Variants in ZFPM2 observed in about 807,000 individuals in gnomAD.
ZFPM2 encodes zinc finger protein ZFPM2.
ZFPM2 carries 20 observed loss-of-function variants against 98.6 expected under a neutral mutation model. That is an observed-to-expected ratio of 0.20 (90% CI 0.14 to 0.29). The LOEUF is 0.29. Ranked by LOEUF, ZFPM2 falls within the 10% of genes least tolerant of loss-of-function variation. The pLI, the probability that ZFPM2 is intolerant of heterozygous loss-of-function variation, is 1.00. For synonymous variants in ZFPM2, 518 were observed against 502.7 expected (o/e 1.03, Z -0.41); for missense variants, 1,310 against 1,388.6 (o/e 0.94, Z 0.90).
chr8:105,605,181 G>A (rs2130789889), intron 4 of ZFPM2, among the ~76,000 whole-genome samples: 1 of 152,170 alleles, frequency 6.6e-6, no homozygotes, highest in Middle Eastern at 3.4e-3. Context: ...CCAAAAGACA[G>A]CGGAGATAGT....
At chr8:105,447,354 T>C (rs1376436054) in intron 3 of ZFPM2, among the ~76,000 whole-genome samples, 1 of 151,736 alleles carries the variant, frequency 6.6e-6, no homozygotes, top group Non-Finnish European at 1.5e-5. Flanking sequence ...ACTTTACCTA[T>C]ATCCTCATTT....
At chr8:105,799,980 G>T (rs542560112) in intron 7 of ZFPM2, among the ~76,000 whole-genome samples, 122 of 152,198 alleles carry the variant, frequency 8.0e-4, no homozygotes, top group African/African-American at 2.8e-3. Context: ...TTACAAATGA[G>T]CTATCTTCAT....
At chr8:105,646,577 A>G (rs1237851105) in intron 5 of ZFPM2, among the ~76,000 whole-genome samples, 1 of 152,154 alleles carries the variant, frequency 6.6e-6, no homozygotes, top group East Asian at 1.9e-4. Context: ...TAAAGGCTGC[A>G]TGGAAAGGCA....
At chr8:105,438,366 C>T (rs1812166887) in intron 2 of ZFPM2, among the ~76,000 whole-genome samples, 1 of 152,136 alleles carries the variant, frequency 6.6e-6, no homozygotes, top group African/African-American at 2.4e-5. Context: ...AACACAGTGC[C>T]TGGGCCTGAA....
chr8:105,555,987 C>T (rs1386953550), intron 3 of ZFPM2, among the ~76,000 whole-genome samples: 1 of 152,076 alleles, frequency 6.6e-6, no homozygotes. Context: ...AAGAGTCAGG[C>T]AAATACTGTG....
intron 5 of ZFPM2, among the ~76,000 whole-genome samples, chr8:105,659,771 G>A (rs1253216556): frequency 6.6e-6 from 1 of 151,948 alleles, no homozygotes; most frequent in African/African-American, 2.4e-5. Context: ...TTTTAGACAA[G>A]GATAATAATT....
At chr8:105,482,037 C>A (rs1813130506) in intron 3 of ZFPM2, among the ~76,000 whole-genome samples, 1 of 152,176 alleles carries the variant, frequency 6.6e-6, no homozygotes, top group African/African-American at 2.4e-5. Flanking sequence ...ACAATTTGGT[C>A]ATCAGATTGT....
At chr8:105,723,127 T>A (rs1377902725) in intron 5 of ZFPM2, among the ~76,000 whole-genome samples, 2 of 151,878 alleles carry the variant, frequency 1.3e-5, no homozygotes. Context: ...TTCTCCAAGA[T>A]CCATATCATA....
intron 5 of ZFPM2, among the ~76,000 whole-genome samples, chr8:105,774,028 T>C (rs2131096362): frequency 6.6e-6 from 1 of 152,304 alleles, no homozygotes; most frequent in Middle Eastern, 3.4e-3. Context: ...GTTTTCATGT[T>C]GTTTAAAATC....
At chr8:105,729,837 A>G (rs908953711) in intron 5 of ZFPM2, among the ~76,000 whole-genome samples, 3 of 151,410 alleles carry the variant, frequency 2.0e-5, no homozygotes, top group Admixed American at 6.6e-5. Flanking sequence ...TTATGTGTCT[A>G]CTTGTGTTTG....
chr8:105,441,994 C>A (rs2130199018), intron 2 of ZFPM2, among the ~76,000 whole-genome samples: 1 of 152,152 alleles, frequency 6.6e-6, no homozygotes, highest in East Asian at 1.9e-4. Context: ...TTTATGCTTG[C>A]TAAGACTTGG....
At chr8:105,635,212 C>G (rs1450736961) in intron 5 of ZFPM2, among the ~76,000 whole-genome samples, 2 of 152,084 alleles carry the variant, frequency 1.3e-5, no homozygotes, top group African/African-American at 2.4e-5. Flanking sequence ...CTACTGAGAT[C>G]AAAGATGTAT....
At chr8:105,537,603 A>G (rs1344848344) in intron 3 of ZFPM2, among the ~76,000 whole-genome samples, 1 of 152,176 alleles carries the variant, frequency 6.6e-6, no homozygotes. Context: ...AATTTCCTGA[A>G]CCCAGGGGTT....
chr8:105,740,017 C>A (rs1379786987), intron 5 of ZFPM2, among the ~76,000 whole-genome samples: 1 of 151,980 alleles, frequency 6.6e-6, no homozygotes, highest in Non-Finnish European at 1.5e-5. Context: ...AATACTGTGA[C>A]AGTCAGGCTA....
chr8:105,527,692 A>G (rs942086023), intron 3 of ZFPM2, among the ~76,000 whole-genome samples: 2 of 152,184 alleles, frequency 1.3e-5, no homozygotes, highest in Non-Finnish European at 2.9e-5. Context: ...GGACTTTAAG[A>G]GCTTGTGATT....
At chr8:105,619,386 T>G (rs1294023720) in intron 4 of ZFPM2, among the ~76,000 whole-genome samples, 3 of 152,092 alleles carry the variant, frequency 2.0e-5, no homozygotes, top group African/African-American at 7.2e-5. Context: ...ATTATTAATA[T>G]ATTGTGAACA....
intron 4 of ZFPM2, among the ~76,000 whole-genome samples, chr8:105,603,999 T>C (rs555605061): frequency 6.6e-6 from 1 of 151,976 alleles, no homozygotes; most frequent in Non-Finnish European, 1.5e-5. Context: ...TGGCTTTAAC[T>C]TCCATGTTAA....
rs368175323 is a variant in ZFPM2, at chr8:105,614,426, T to C, written c.421-19820T>C. 4.6e-5 allele frequency among the ~76,000 whole-genome samples: 7 copies of C among 152,148 alleles called. No individual in the cohort carries two copies. In the East Asian group the frequency reaches 9.6e-4, roughly 21 times the overall value. ...CAGTAGACACCCCTCCCTAAAATCT[T>C]AGTCATATTTTGTCTTCTGTAACAG... On this transcript the variant is annotated intron_variant, in intron 4 of 7. Coordinates refer to ENST00000407775, the MANE Select transcript of ZFPM2 (RefSeq NM_012082.4).
At chr8:105,489,466 A>ATATATATATATATATATATATATATAT (rs1554610604) in intron 3 of ZFPM2, among the ~76,000 whole-genome samples, 17 of 119,762 alleles carry the variant, frequency 1.4e-4, no homozygotes, top group African/African-American at 6.2e-4. Flanking sequence ...ATATATATAT[A>ATATATATATATATATATATATATATAT]TTTTTTTTTT....
Sources: allele counts gnomAD v4.1 joint callset (sites outside exome capture counted in the v4.1 genomes callset), GRCh38; gene constraint gnomAD v4.1.1; transcripts MANE v1.5; gene names NCBI Gene and HGNC (gene_info 2026-07-23, HGNC 2026-07-21).